Variants in GDE1 observed in about 807,000 individuals in gnomAD.
GDE1 encodes RGS16-interacting membrane protein.
In GDE1, 24 loss-of-function variants were observed where a neutral mutation model predicts 32.2. The ratio of observed to expected loss-of-function variants is 0.75; its 90% CI spans 0.54 to 1.05. GDE1 has a LOEUF of 1.05. Ranked by LOEUF, GDE1 falls within the 50% of genes least tolerant of loss-of-function variation. The pLI is 0.00. For synonymous variants in GDE1, 159 were observed against 158.6 expected (o/e 1.00, Z -0.02); for missense variants, 380 against 415.0 (o/e 0.92, Z 0.73).
chr16:19,509,731 G>A (rs1969292936), intron 3 of GDE1, among the ~76,000 whole-genome samples: 1 of 151,152 alleles, frequency 6.6e-6, no homozygotes, highest in Non-Finnish European at 1.5e-5. Flanking sequence ...CGCAATCTCG[G>A]CTCAGTGCAA....
At chr16:19,506,876 G>A (rs1030389047) in intron 4 of GDE1, among the ~76,000 whole-genome samples, 4 of 152,176 alleles carry the variant, frequency 2.6e-5, no homozygotes, top group African/African-American at 9.7e-5. Context: ...GCTCATGCCT[G>A]TAATCCCAGC....
intron 4 of GDE1, among the ~76,000 whole-genome samples, chr16:19,506,857 G>C (rs1287625014): frequency 2.0e-5 from 3 of 152,152 alleles, no homozygotes. Flanking sequence ...CACTAGGCTG[G>C]TTACTGTGGC....
intron 2 of GDE1, among the ~76,000 whole-genome samples, chr16:19,516,262 T>C (rs1485707812): frequency 1.3e-5 from 2 of 152,192 alleles, no homozygotes; most frequent in Non-Finnish European, 2.9e-5. Flanking sequence ...AACAGCATGA[T>C]TTGGACTAAA....
At position 19,522,061 on chromosome 16, in the gene GDE1, G is replaced by C; in HGVS notation, c.-97C>G. 1 of 1,309,030 alleles carries C rather than the reference G, an allele frequency of 7.6e-7. No homozygotes were observed. Among genetic ancestry groups the C allele is most frequent in the Non-Finnish European group, 1.0e-6 (1 of 975,220 alleles). 81.1% of individuals were successfully genotyped at this position (1,309,030 alleles called of 1,614,324 possible). A position where few individuals can be genotyped will look rare whatever the true frequency, so the allele number is the denominator to read the frequency against. ...AGGGGGAGGGTCCAAGGCACCGGCA[G>C]CAGCAGGAACCCTCTGAGGGGACCA... is the stretch of plus-strand genomic sequence containing the variant. On this transcript the variant is annotated 5_prime_UTR_variant, in exon 1 of 6. Coordinates refer to ENST00000353258, the MANE Select transcript of GDE1 (RefSeq NM_016641.4).
intron 4 of GDE1, 78 bp from the exon 5 acceptor site, chr16:19,505,170 G>C: frequency 3.0e-6 from 3 of 993,702 alleles, no homozygotes; most frequent in Non-Finnish European, 1.6e-6. Flanking sequence ...TAGCCAATGT[G>C]CTCAATCAGA....
Position 19,521,806 on chromosome 16 carries a change from G to GC in GDE1, c.158dup (p.Cys53TrpfsTer38), listed in dbSNP as rs1405444803. On this transcript the variant is annotated frameshift_variant, in exon 1 of 6. Coordinates refer to ENST00000353258, the MANE Select transcript of GDE1 (RefSeq NM_016641.4). LOFTEE classifies it high-confidence loss of function. ...GGGGCTTGAGCACCTGCAGGGCCCTGCAAGAGGGCACCGGCTCAAAGCTGA... is the reference window on the plus strand; with the variant it reads ...GGGGCTTGAGCACCTGCAGGGCCCTGCCAAGAGGGCACCGGCTCAAAGCTGA... 4 of 1,611,502 alleles carry GC rather than the reference G, an allele frequency of 2.5e-6. No individual in the cohort carries two copies. The Admixed American group carries it at 6.7e-5, about 27-fold the overall frequency.
chr16:19,518,073 A>G (rs755930610), intron 1 of GDE1, among the ~76,000 whole-genome samples: 8 of 151,970 alleles, frequency 5.3e-5, no homozygotes, highest in Non-Finnish European at 1.0e-4. Flanking sequence ...TTTTTTGTAG[A>G]GATGGGGTTT....
intron 2 of GDE1, among the ~76,000 whole-genome samples, chr16:19,516,587 C>T (rs1214664191): frequency 6.6e-6 from 1 of 152,144 alleles, no homozygotes; most frequent in Non-Finnish European, 1.5e-5. Context: ...TTCTAGGATA[C>T]TCTCTATTCC....
intron 2 of GDE1, among the ~76,000 whole-genome samples, chr16:19,515,338 C>T (rs959773282): frequency 6.6e-6 from 1 of 152,200 alleles, no homozygotes; most frequent in Non-Finnish European, 1.5e-5. Flanking sequence ...AGAACACACT[C>T]TGTTCCAATA....
intron 3 of GDE1, among the ~76,000 whole-genome samples, chr16:19,508,219 G>C (rs1433961060): frequency 6.6e-6 from 1 of 152,156 alleles, no homozygotes; most frequent in African/African-American, 2.4e-5. Context: ...CAGTCCAGGG[G>C]ACTGAGAGGA....
At chr16:19,521,408 C>T (rs1229623923) in intron 1 of GDE1, 3 of 412,672 alleles carry the variant, frequency 7.3e-6, no homozygotes, top group African/African-American at 4.0e-5. Flanking sequence ...AGGCTTGCCT[C>T]CCCCATTCCG....
rs1165425449 is a variant in GDE1, at chr16:19,504,868, C to A, written c.848+13G>T. The A allele has an allele frequency of 3.2e-6, 5 of 1,558,776 alleles. No individual in the cohort carries two copies. Among genetic ancestry groups the A allele is most frequent in the Non-Finnish European group, 4.4e-6 (5 of 1,134,418 alleles). ...ATGTCTGTCTGGGTAAAATAAAAAA[C>A]CTTCCAACTTACGGGGATACAAAAT... On this transcript the variant is annotated intron_variant, in intron 5 of 5. Coordinates refer to ENST00000353258, the MANE Select transcript of GDE1 (RefSeq NM_016641.4).
At chr16:19,506,516 G>C (rs1307989439) in intron 4 of GDE1, among the ~76,000 whole-genome samples, 1 of 152,146 alleles carries the variant, frequency 6.6e-6, no homozygotes, top group Non-Finnish European at 1.5e-5. Context: ...GCCAGGCATG[G>C]TGGTGTGTGC....
intron 2 of GDE1, among the ~76,000 whole-genome samples, chr16:19,515,620 G>A (rs2353913): frequency 0.36 from 55,337 of 151,952 alleles, 11,632 homozygotes; most frequent in East Asian, 0.56. Flanking sequence ...GAGCAATACA[G>A]TATCTGATGA....
At position 19,503,621 on chromosome 16, in the gene GDE1, G is replaced by T; in HGVS notation, c.849-4C>A. On this transcript the variant is annotated splice_region_variant and splice_polypyrimidine_tract_variant and intron_variant, in intron 5 of 5. Transcript: ENST00000353258. ...TGACCACTTCTTCAAGTAGGCCCTG[G>T]GGAAAGAGGAAAGCCAATCCTGTTA... The T allele has an allele frequency of 3.1e-6, 5 of 1,612,572 alleles. No homozygotes were observed. The highest frequency in any genetic ancestry group is 4.2e-6 in the Non-Finnish European group (5 of 1,178,950).
intron 2 of GDE1, among the ~76,000 whole-genome samples, chr16:19,511,448 ATT>A (rs1214811904): frequency 6.6e-6 from 1 of 152,018 alleles, no homozygotes; most frequent in Non-Finnish European, 1.5e-5. Context: ...TTTTTTCCAC[ATT>A]TTTATTGCTA....
In GDE1 at chr16:19,515,066, C is replaced by CA. The variant is rs67148636; in HGVS notation, c.437+1947dup. Among the ~76,000 whole-genome samples, 661 of 113,224 alleles carry CA rather than the reference C, an allele frequency of 5.8e-3. 10 individuals are homozygous for CA. Among genetic ancestry groups the CA allele is most frequent in the African/African-American group, 8.5e-3 (234 of 27,430 alleles). The allele number at this position is 113,224 out of a possible 152,430, so 74.3% of individuals were successfully genotyped here. A position where few individuals can be genotyped will look rare whatever the true frequency, so the allele number is the denominator to read the frequency against. ...GGGCAACAAGAGTGAAACTCCAACT[C>CA]AAAAAAAAAAAAAAAAAAGATAAGG... is the stretch of plus-strand genomic sequence containing the variant. On this transcript the variant is annotated intron_variant, in intron 2 of 5. Coordinates refer to ENST00000353258, the MANE Select transcript of GDE1 (RefSeq NM_016641.4).
intron 4 of GDE1, among the ~76,000 whole-genome samples, chr16:19,506,701 A>G (rs1279889248): frequency 6.6e-6 from 1 of 152,214 alleles, no homozygotes; most frequent in Non-Finnish European, 1.5e-5. Context: ...TCCTATTCGA[A>G]TGAGCAATTT....
At chr16:19,519,467 T>TATATAC (rs1398421779) in intron 1 of GDE1, among the ~76,000 whole-genome samples, 2 of 151,082 alleles carry the variant, frequency 1.3e-5, no homozygotes, top group African/African-American at 2.4e-5. Flanking sequence ...TATATATATA[T>TATATAC]ATATATACAT....
Sources: gnomAD v4.1 joint callset for allele counts (sites outside exome capture counted in the v4.1 genomes callset) on GRCh38, gnomAD v4.1.1 for gene constraint, MANE v1.5 for transcripts, NCBI Gene and HGNC (gene_info 2026-07-23, HGNC 2026-07-21) for gene names.